HCN1: variants seen among roughly 807,000 people sequenced by gnomAD.
HCN1 encodes hyperpolarization activated cyclic nucleotide gated potassium channel 1, also known as potassium/sodium hyperpolarization-activated cyclic nucleotide-gated channel 1.
In HCN1, 13 loss-of-function variants were observed where a neutral mutation model predicts 78.9. That is an observed-to-expected ratio of 0.16 (90% CI 0.11 to 0.26). HCN1 has a LOEUF of 0.26. Ranked by LOEUF, HCN1 falls within the 10% of genes least tolerant of loss-of-function variation. The probability of loss-of-function intolerance (pLI) is 1.00; values close to 1 mark genes in which losing one functional copy is unlikely to be tolerated. For synonymous variants in HCN1, 552 were observed against 455.5 expected, an observed-to-expected ratio of 1.21 and a Z score of -2.70; for missense variants, 810 against 1,154.3, an observed-to-expected ratio of 0.70 and a Z score of 4.32.
chr5:45,380,435 G>A (rs1747782721), intron 4 of HCN1, among the ~76,000 whole-genome samples: 1 of 152,044 alleles, frequency 6.6e-6, no homozygotes, highest in Non-Finnish European at 1.5e-5. Flanking sequence ...ATATTCTATG[G>A]ATATCCAGCA....
intron 4 of HCN1, among the ~76,000 whole-genome samples, chr5:45,362,932 TCTAA>T (rs1747146218): frequency 6.6e-6 from 1 of 151,752 alleles, no homozygotes; most frequent in African/African-American, 2.4e-5. Flanking sequence ...ACTTTTGTTA[TCTAA>T]CTTTCTACTT....
chr5:45,553,910 T>C (rs1327468287), intron 2 of HCN1, among the ~76,000 whole-genome samples: 2 of 151,942 alleles, frequency 1.3e-5, no homozygotes, highest in Admixed American at 1.3e-4. Flanking sequence ...AAGTCACATA[T>C]GCCCCTTACT....
At chr5:45,496,079 C>T (rs1397213796) in intron 2 of HCN1, among the ~76,000 whole-genome samples, 1 of 152,112 alleles carries the variant, frequency 6.6e-6, no homozygotes, top group Non-Finnish European at 1.5e-5. Context: ...GGTTGTGTCT[C>T]TGCACGGCTT....
chr5:45,526,257 G>A (rs1742734146), intron 2 of HCN1, among the ~76,000 whole-genome samples: 1 of 152,014 alleles, frequency 6.6e-6, no homozygotes, highest in South Asian at 2.1e-4. Context: ...TCCCACTGTT[G>A]AGGTCATTTG....
intron 4 of HCN1, among the ~76,000 whole-genome samples, chr5:45,388,836 G>A (rs894362872): frequency 6.6e-6 from 1 of 152,068 alleles, no homozygotes; most frequent in African/African-American, 2.4e-5. Context: ...TGTCCTAATA[G>A]TATTTTTCAA....
chr5:45,398,387 T>C (rs1739725173), intron 3 of HCN1, among the ~76,000 whole-genome samples: 1 of 152,134 alleles, frequency 6.6e-6, no homozygotes, highest in African/African-American at 2.4e-5. Flanking sequence ...GACATTGATA[T>C]AATGTACTCA....
chr5:45,407,166 G>T (rs1739942007), intron 3 of HCN1, among the ~76,000 whole-genome samples: 1 of 152,142 alleles, frequency 6.6e-6, no homozygotes, highest in Admixed American at 6.6e-5. Flanking sequence ...TTCAGTTAAT[G>T]ATGGACCGTA....
At position 45,418,998 on chromosome 5, in the gene HCN1, C is replaced by G. The variant is rs115081907; in HGVS notation, c.1012-22288G>C. ...TAGTGATGCATTTCAATTCCACTTGCATTTGTGCCCGCTTTGTGTTAGAAA... is the reference window on the plus strand; with the variant it reads ...TAGTGATGCATTTCAATTCCACTTGGATTTGTGCCCGCTTTGTGTTAGAAA... On this transcript the variant is annotated intron_variant, in intron 3 of 7. Transcript: ENST00000303230. Among the ~76,000 whole-genome samples the G allele has an allele frequency of 5.9e-3, 897 of 152,258 alleles. 5 individuals are homozygous for G. The highest frequency in any genetic ancestry group is 0.02 in the African/African-American group (846 of 41,546).
At chr5:45,536,921 C>T (rs543295186) in intron 2 of HCN1, among the ~76,000 whole-genome samples, 24 of 152,330 alleles carry the variant, frequency 1.6e-4, no homozygotes, top group African/African-American at 5.5e-4. Flanking sequence ...CTAACAGCTG[C>T]TTTCCCCTGT....
intron 1 of HCN1, among the ~76,000 whole-genome samples, chr5:45,646,339 C>T (rs915455396): frequency 6.7e-6 from 1 of 148,928 alleles, no homozygotes; most frequent in East Asian, 2.0e-4. Context: ...ATTGCCACTA[C>T]TTTTCCATAA....
chr5:45,492,528 T>TTC (rs1741909632), intron 2 of HCN1, among the ~76,000 whole-genome samples: 1 of 144,248 alleles, frequency 6.9e-6, no homozygotes. Context: ...TGTTTTTTTT[T>TTC]TTTTTTTTTG....
intron 2 of HCN1, among the ~76,000 whole-genome samples, chr5:45,542,535 T>C (rs897804337): frequency 3.9e-5 from 6 of 152,060 alleles, no homozygotes; most frequent in African/African-American, 1.4e-4. Flanking sequence ...TCTGGGAACA[T>C]TGCTGTGCTT....
intron 5 of HCN1, among the ~76,000 whole-genome samples, chr5:45,337,626 G>T (rs1016845634): frequency 6.6e-6 from 1 of 152,122 alleles, no homozygotes; most frequent in Admixed American, 6.6e-5. Flanking sequence ...AGGAAGTTAA[G>T]AAAGATAGTC....
intron 7 of HCN1, among the ~76,000 whole-genome samples, chr5:45,263,113 G>C (rs1220478149): frequency 6.6e-6 from 1 of 152,136 alleles, no homozygotes; most frequent in East Asian, 1.9e-4. Flanking sequence ...GGGAAGAAAG[G>C]GCTTTTGGAA....
intron 3 of HCN1, among the ~76,000 whole-genome samples, chr5:45,416,762 T>G (rs1195498862): frequency 6.6e-6 from 1 of 151,952 alleles, no homozygotes; most frequent in Non-Finnish European, 1.5e-5. Flanking sequence ...ATGCTCAAAT[T>G]TTCATTTTAA....
chr5:45,370,614 A>T (rs568114916), intron 4 of HCN1, among the ~76,000 whole-genome samples: 1 of 152,178 alleles, frequency 6.6e-6, no homozygotes, highest in South Asian at 2.1e-4. Flanking sequence ...GTTTTTATAT[A>T]ATTATAAACA....
At chr5:45,405,342 G>A (rs1388076404) in intron 3 of HCN1, among the ~76,000 whole-genome samples, 1 of 152,128 alleles carries the variant, frequency 6.6e-6, no homozygotes, top group Non-Finnish European at 1.5e-5. Context: ...TAAACAGTTG[G>A]TCTTTGAACA....
At chr5:45,542,961 C>T (rs1235007955) in intron 2 of HCN1, among the ~76,000 whole-genome samples, 1 of 152,018 alleles carries the variant, frequency 6.6e-6, no homozygotes, top group Non-Finnish European at 1.5e-5. Context: ...CAACCTTATG[C>T]CTTTGTGTTA....
rs773490588 is a variant in HCN1, at chr5:45,517,520, T to TAAAAAAAAA, written c.850-55522_850-55514dup. 3.5e-4 allele frequency among the ~76,000 whole-genome samples: 33 copies of TAAAAAAAAA among 94,382 alleles called. 1 individual carries two copies. The highest frequency in any genetic ancestry group is 1.4e-3 in the African/African-American group (33 of 24,062). The allele number at this position is 94,382 out of a possible 152,430, so 61.9% of individuals were successfully genotyped here. A position where few individuals can be genotyped will look rare whatever the true frequency, so the allele number is the denominator to read the frequency against. On this transcript the variant is annotated intron_variant, in intron 2 of 7. Coordinates refer to ENST00000303230, the MANE Select transcript of HCN1 (RefSeq NM_021072.4). Reference sequence around the variant, plus strand: ...AGAGATTGTATTCCCAATTTCCCCTTAAAAAAAAAAAAAAAAAAAAAAAAC... The same window carrying TAAAAAAAAA: ...AGAGATTGTATTCCCAATTTCCCCTTAAAAAAAAAAAAAAAAAAAAAAAAAAAAAAAAAC...
Sources: gnomAD v4.1 joint callset for allele counts (sites outside exome capture counted in the v4.1 genomes callset) on GRCh38, gnomAD v4.1.1 for gene constraint, MANE v1.5 for transcripts, NCBI Gene and HGNC (gene_info 2026-07-23, HGNC 2026-07-21) for gene names.